Variants in AHNAK observed in about 807,000 individuals in gnomAD.
AHNAK encodes AHNAK nucleoprotein.
AHNAK carries 23 observed loss-of-function variants against 37.8 expected under a neutral mutation model. The observed-to-expected ratio is 0.61, with a 90% CI of 0.44 to 0.86. The LOEUF is 0.86. AHNAK is among the 40% of genes least tolerant of loss of function. The pLI is 0.00. For missense variants in AHNAK, 7,411 were observed against 7,319.4 expected (o/e 1.01, Z -0.46); for synonymous variants, 2,481 against 2,636.3 (o/e 0.94, Z 1.80).
intron 5 of AHNAK, among the ~76,000 whole-genome samples, chr11:62,467,667 AGAGT>A (rs1242866728): frequency 6.6e-6 from 1 of 152,236 alleles, no homozygotes; most frequent in Non-Finnish European, 1.5e-5. Context: ...CCTGGGCAAC[AGAGT>A]GAGACTCCGT....
In AHNAK at chr11:62,517,678, T is replaced by C. The variant is rs1940069357; in HGVS notation, c.16739A>G (p.Asp5580Gly). ...CAAATGCCCTTCACCAAGGCTGATG[T>C]CTGGGGCACTGACACCCCCTGAAAC... is the stretch of plus-strand genomic sequence containing the variant. ...ADVSGGVSAP[D>G]ISLGEGHLSV... The change falls in exon 5 of 5, where the codon GAC becomes GGC. Residue 5580 changes from aspartate to glycine, a missense_variant. Asp to Gly is a moderately conservative substitution (Grantham distance 94). Transcript: ENST00000378024. 1 of 1,614,220 alleles carries C rather than the reference T, an allele frequency of 6.2e-7. No homozygotes were observed. The highest frequency in any genetic ancestry group is 8.5e-7 in the Non-Finnish European group (1 of 1,180,028).
chr11:62,474,950 C>T (rs1232351330), intron 5 of AHNAK, among the ~76,000 whole-genome samples: 1 of 152,094 alleles, frequency 6.6e-6, no homozygotes, highest in Admixed American at 6.6e-5. Context: ...CAGGAGAAGC[C>T]GCTGCACTGG....
chr11:62,435,174 C>T (rs924856113), intron 5 of AHNAK, among the ~76,000 whole-genome samples: 2 of 152,180 alleles, frequency 1.3e-5, no homozygotes, highest in African/African-American at 4.8e-5. Flanking sequence ...TTTGAAGACT[C>T]AGCCAAATAA....
Position 62,491,762 on chromosome 11 carries a change from C to T in AHNAK, c.412G>A (p.Gly138Arg), listed in dbSNP as rs368468592. The T allele has an allele frequency of 2.5e-5, 40 of 1,612,554 alleles. No individual in the cohort carries two copies. In the African/African-American group the frequency reaches 2.7e-4, roughly 11 times the overall value. Reference sequence around the variant, plus strand: ...TTTGGGGTGGAGACTGAAACTGCCCCGGCTTGGCTGCTGGCTTCCTTCTGT... The same window carrying T: ...TTTGGGGTGGAGACTGAAACTGCCCTGGCTTGGCTGCTGGCTTCCTTCTGT... The change falls in exon 5 of 6, where the codon GGG becomes AGG. Residue 138 changes from glycine to arginine, a missense_variant. Physicochemically the swap from Gly to Arg is moderately radical, Grantham distance 125. Coordinates refer to the AHNAK transcript ENST00000257247.
At position 62,528,679 on chromosome 11, in the gene AHNAK, G is replaced by A; in HGVS notation, c.5738C>T (p.Pro1913Leu). The change falls in exon 5 of 5, where the codon CCA becomes CTA. Residue 1913 changes from proline to leucine, a missense_variant. Transcript: ENST00000378024. The part of the protein sequence containing the change: ...AKLKGPKFKM[P>L]DMHFKAPKIS... ...CTTGGGGGCCTTGAAGTGCATGTCT[G>A]GCATCTTAAATTTAGGGCCTTTCAA... 2.5e-6 allele frequency: 4 copies of A among 1,610,748 alleles called. No individual in the cohort carries two copies. The South Asian group carries it at 3.3e-5, about 13-fold the overall frequency.
At chr11:62,484,950 C>T (rs950868575) in intron 5 of AHNAK, among the ~76,000 whole-genome samples, 5 of 152,064 alleles carry the variant, frequency 3.3e-5, no homozygotes, top group Admixed American at 6.5e-5. Flanking sequence ...CCACCACACC[C>T]GGCTAATTTT....
intron 4 of AHNAK, among the ~76,000 whole-genome samples, chr11:62,499,153 C>T (rs1939668184): frequency 1.3e-5 from 2 of 152,144 alleles, no homozygotes; most frequent in Admixed American, 1.3e-4. Flanking sequence ...TGAACTCTGA[C>T]CATGTCTTCT....
chr11:62,532,558 T>G lies in AHNAK; in HGVS notation c.1859A>C (p.His620Pro), dbSNP rs748715949. The change falls in exon 5 of 5, where the codon CAT becomes CCT. Residue 620 changes from histidine (H) to proline (P), a missense_variant. His to Pro is a moderately conservative substitution (Grantham distance 77, BLOSUM62 -2). Coordinates refer to ENST00000378024, the MANE Select transcript of AHNAK (RefSeq NM_001620.3). ...CATTTTCAGGTTCCATTCTGGGCCA[T>G]GCGCTTCGACATCTGGGGCACTGAC... ...VDVSAPDVEAHGPEWNLKMPK... is the reference protein window; with the variant it reads ...VDVSAPDVEAPGPEWNLKMPK... 2 of 1,614,178 alleles carry G rather than the reference T, an allele frequency of 1.2e-6. No homozygotes were observed. The highest frequency in any genetic ancestry group is 3.3e-5 in the Admixed American group (2 of 60,020).
chr11:62,530,129 G>A lies in AHNAK; in HGVS notation c.4288C>T (p.Pro1430Ser). The A allele has an allele frequency of 1.2e-6, 2 of 1,613,988 alleles. No individual in the cohort carries two copies. Among genetic ancestry groups the A allele is most frequent in the Non-Finnish European group, 1.7e-6 (2 of 1,180,014 alleles). Reference sequence around the variant, plus strand: ...TTGGGACCTTTTAGTTTTGCGTCTGGACCTTCAATATTCACATCTGGAACT... The same window carrying A: ...TTGGGACCTTTTAGTTTTGCGTCTGAACCTTCAATATTCACATCTGGAACT... ...AEVPDVNIEG[P>S]DAKLKGPKFK... Residue 1430 changes from proline to serine, a missense_variant, in exon 5 of 5, where the codon CCA (proline) becomes TCA (serine). Physicochemically the swap from Pro to Ser is moderately conservative, Grantham distance 74. Transcript: ENST00000378024.
At chr11:62,483,483 C>G (rs955463526) in intron 5 of AHNAK, among the ~76,000 whole-genome samples, 1 of 150,886 alleles carries the variant, frequency 6.6e-6, no homozygotes, top group East Asian at 2.0e-4. Flanking sequence ...TCCCAGCACT[C>G]TGGGAGGCCG....
chr11:62,537,425 T>A (rs1358914442), intron 1 of AHNAK: 2 of 152,026 alleles, frequency 1.3e-5, no homozygotes, highest in Admixed American at 1.3e-4. Context: ...ACTGGCTAAT[T>A]TTTGTATTTT....
chr11:62,534,139 ACAGCC>A, intron 4 of AHNAK, 65 bp from the exon 5 acceptor site: 1 of 1,473,360 alleles, frequency 6.8e-7, no homozygotes, highest in Non-Finnish European at 9.0e-7. Flanking sequence ...ATGCCCGGCC[ACAGCC>A]CAGCCGACAA....
chr11:62,470,101 G>A (rs1005188115), intron 5 of AHNAK, among the ~76,000 whole-genome samples: 1 of 151,934 alleles, frequency 6.6e-6, no homozygotes, highest in East Asian at 1.9e-4. Context: ...TCAAGAGATC[G>A]AGACCATCCT....
In AHNAK at chr11:62,531,485, G is replaced by A. The variant is rs745975142; in HGVS notation, c.2932C>T (p.Pro978Ser). 1.9e-6 allele frequency: 3 copies of A among 1,614,118 alleles called. No homozygotes were observed. Among genetic ancestry groups the A allele is most frequent in the Admixed American group, 1.7e-5 (1 of 60,016 alleles). The stretch of plus-strand genomic sequence containing the variant: ...TCTGGGGCACTGACATCTACTTTTG[G>A]GCCTTTCAGGTCCCCTTCCAGCTTT... ...VPKLEGDLKG[P>S]KVDVSAPDVE... The change falls in exon 5 of 5, where the codon CCA (proline) becomes TCA (serine). Residue 978 changes from proline to serine, a missense_variant. Pro to Ser is a moderately conservative substitution (Grantham distance 74). Coordinates refer to ENST00000378024, the MANE Select transcript of AHNAK (RefSeq NM_001620.3).
In AHNAK at chr11:62,523,317, T is replaced by C. The variant is rs369674490; in HGVS notation, c.11100A>G (p.Leu3700=). Residue 3700 remains leucine, a synonymous_variant, in exon 5 of 5, where the codon CTA becomes CTG. Transcript: ENST00000378024. ...CCTTGATGTCCACCTCAGGGCCTTT[T>C]AGATCACCTTCCACTTTGGGCAAAG... ...VVSLPKVEGD[L]KGPEVDIKGP... 8 of 1,613,192 alleles carry C rather than the reference T, an allele frequency of 5.0e-6. No homozygotes were observed. The highest frequency in any genetic ancestry group is 4.0e-5 in the African/African-American group (3 of 74,724).
At chr11:62,454,120 A>AG (rs55829766) in intron 5 of AHNAK, among the ~76,000 whole-genome samples, 1 of 149,502 alleles carries the variant, frequency 6.7e-6, no homozygotes, top group East Asian at 2.0e-4. Context: ...AAAAAAAAAA[A>AG]GAAAGAAAAT....
rs761336420 is a variant in AHNAK at position 62,527,588 on chromosome 11, G to A, written c.6829C>T (p.Pro2277Ser). The A allele has an allele frequency of 1.2e-6, 2 of 1,613,510 alleles. No homozygotes were observed. Among genetic ancestry groups the A allele is most frequent in the Non-Finnish European group, 1.7e-6 (2 of 1,179,912 alleles). The change falls in exon 5 of 5, where the codon CCC (proline) becomes TCC (serine). Residue 2277 changes from proline to serine, a missense_variant. Pro to Ser is a moderately conservative substitution (Grantham distance 74). Transcript: ENST00000378024. The part of the protein sequence containing the change: ...LPKADVDVSG[P>S]KVDVEVPDVS... Reference sequence around the variant, plus strand: ...TCTGGGACTTCAACATCCACCTTGGGTCCTGAGACATCAACGTCAGCCTTG... The same window carrying A: ...TCTGGGACTTCAACATCCACCTTGGATCCTGAGACATCAACGTCAGCCTTG...
chr11:62,521,290 G>A lies in AHNAK; in HGVS notation c.13127C>T (p.Pro4376Leu). The A allele has an allele frequency of 6.2e-7, 1 of 1,613,840 alleles. No individual in the cohort carries two copies. The highest frequency in any genetic ancestry group is 8.5e-7 in the Non-Finnish European group (1 of 1,179,992). The change falls in exon 5 of 5, where the codon CCA (proline) becomes CTA (leucine). Residue 4376 changes from proline (P) to leucine (L), a missense_variant. Coordinates refer to ENST00000378024, the MANE Select transcript of AHNAK (RefSeq NM_001620.3). ...TTTGGGGGCCTTGATGTTCATCTCT[G>A]GCATCTTGAACTTTGGACCCTTGAG... ...AKLKGPKFKM[P>L]EMNIKAPKIS...
rs764306404 is a variant in AHNAK at position 62,519,952 on chromosome 11, T to A, written c.14465A>T (p.Asp4822Val). ...SGPKVDVDIP[D>V]VNIEGPDAKL... is the part of the protein sequence containing the mutation. ...TGCGTCTGGACCTTCGATATTCACA[T>A]CTGGAATATCAACGTCCACCTTGGG... is the stretch of plus-strand genomic sequence containing the variant. Residue 4822 changes from aspartate (D) to valine (V), a missense_variant, in exon 5 of 5, where the codon GAT becomes GTT. By Grantham distance (152) the Asp-to-Val change is radical. Coordinates refer to ENST00000378024, the MANE Select transcript of AHNAK (RefSeq NM_001620.3). The A allele has an allele frequency of 1.5e-5, 25 of 1,613,410 alleles. No individual in the cohort carries two copies. In the Admixed American group the frequency reaches 4.2e-4, roughly 27 times the overall value.
Sources: gnomAD v4.1 joint callset for allele counts (sites outside exome capture counted in the v4.1 genomes callset) on GRCh38, gnomAD v4.1.1 for gene constraint, MANE v1.5 for transcripts, NCBI Gene and HGNC (gene_info 2026-07-23, HGNC 2026-07-21) for gene names.